RGS6: variants seen among roughly 807,000 people sequenced by gnomAD.
The protein encoded by RGS6 is regulator of G protein signaling 6.
In RGS6, 30 loss-of-function variants were observed where a neutral mutation model predicts 78.5. That is an observed-to-expected ratio of 0.38 (90% CI 0.29 to 0.52). RGS6 has a LOEUF of 0.52. Among genes scored for constraint, RGS6 ranks in the 20% least tolerant of loss-of-function variants. The pLI is 0.85. For synonymous variants in RGS6, 206 were observed against 206.0 expected (o/e 1.00, Z 0.00); for missense variants, 495 against 609.7 (o/e 0.81, Z 1.98).
At chr14:72,549,529 T>C (rs1387215297) in intron 17 of RGS6, among the ~76,000 whole-genome samples, 2 of 152,218 alleles carry the variant, frequency 1.3e-5, no homozygotes, top group Non-Finnish European at 2.9e-5. Flanking sequence ...TTTTACCCAA[T>C]GCCAGTTCCA....
chr14:72,313,483 T>C (rs550790192), intron 2 of RGS6, among the ~76,000 whole-genome samples: 1 of 152,202 alleles, frequency 6.6e-6, no homozygotes, highest in Non-Finnish European at 1.5e-5. Flanking sequence ...TTGATAGCCT[T>C]AAATCCCTGG....
intron 6 of RGS6, among the ~76,000 whole-genome samples, chr14:72,465,194 C>G (rs2095870012): frequency 1.3e-5 from 2 of 152,158 alleles, no homozygotes; most frequent in African/African-American, 4.8e-5. Context: ...GTGAGCAGAT[C>G]ATAAAGAACC....
At chr14:72,198,727 C>A (rs1168332698) in intron 2 of RGS6, among the ~76,000 whole-genome samples, 1 of 152,216 alleles carries the variant, frequency 6.6e-6, no homozygotes, top group African/African-American at 2.4e-5. Context: ...ATAGTTGTAA[C>A]CCAGGTTAGG....
chr14:71,992,854 A>T (rs2095024541), intron 2 of RGS6, among the ~76,000 whole-genome samples: 1 of 152,058 alleles, frequency 6.6e-6, no homozygotes. Context: ...TAATAGGTAA[A>T]ACAAGCTTCA....
At chr14:72,228,019 A>C (rs1250916288) in intron 2 of RGS6, among the ~76,000 whole-genome samples, 1 of 152,228 alleles carries the variant, frequency 6.6e-6, no homozygotes, top group East Asian at 1.9e-4. Flanking sequence ...TTGATGAATA[A>C]GTAGGATTCC....
At chr14:72,044,662 G>A (rs2092692018) in intron 2 of RGS6, among the ~76,000 whole-genome samples, 1 of 152,096 alleles carries the variant, frequency 6.6e-6, no homozygotes. Flanking sequence ...CTTGAGGTCA[G>A]GAGTTTGAAA....
intron 2 of RGS6, among the ~76,000 whole-genome samples, chr14:72,167,778 A>T (rs2096949362): frequency 6.6e-6 from 1 of 152,232 alleles, no homozygotes; most frequent in South Asian, 2.1e-4. Context: ...AAACATTATC[A>T]CCAGGAGAAG....
intron 2 of RGS6, among the ~76,000 whole-genome samples, chr14:71,976,549 A>C (rs943042790): frequency 6.6e-6 from 1 of 152,000 alleles, no homozygotes; most frequent in Non-Finnish European, 1.5e-5. Context: ...ACTGAGAATG[A>C]TGATTTCCAG....
chr14:72,110,186 A>G (rs1359696655), intron 2 of RGS6, among the ~76,000 whole-genome samples: 1 of 152,178 alleles, frequency 6.6e-6, no homozygotes, highest in East Asian at 1.9e-4. Flanking sequence ...CTTTGTATAC[A>G]TATTCTTATT....
intron 3 of RGS6, among the ~76,000 whole-genome samples, chr14:72,451,100 C>T (rs8023010): frequency 0.018 from 2,786 of 152,258 alleles, 95 homozygotes; most frequent in African/African-American, 0.064. Flanking sequence ...GAAATGGAGT[C>T]TACCAAGCAT....
intron 2 of RGS6, among the ~76,000 whole-genome samples, chr14:72,240,382 C>T (rs1443094226): frequency 6.6e-6 from 1 of 152,090 alleles, no homozygotes; most frequent in Non-Finnish European, 1.5e-5. Flanking sequence ...GATTATGCCT[C>T]TTGGCTATCA....
chr14:72,580,892 G>A, the RGS6 span, among the ~76,000 whole-genome samples: 3 of 152,196 alleles, frequency 2.0e-5, no homozygotes, highest in Non-Finnish European at 4.4e-5. Context: ...TGCCTTATGG[G>A]AGCAAGAACA....
chr14:72,579,990 C>G, the RGS6 span, among the ~76,000 whole-genome samples: 1 of 152,182 alleles, frequency 6.6e-6, no homozygotes, highest in Non-Finnish European at 1.5e-5. Flanking sequence ...GGAATAATAT[C>G]AGCTTATCAG....
intron 2 of RGS6, among the ~76,000 whole-genome samples, chr14:72,287,760 C>A (rs116152829): frequency 0.014 from 2,062 of 152,248 alleles, 35 homozygotes; most frequent in African/African-American, 0.046. Flanking sequence ...GCCCAGCCAA[C>A]TTTTTTATAT....
At chr14:72,438,626 G>A (rs563465896) in intron 3 of RGS6, among the ~76,000 whole-genome samples, 1 of 152,284 alleles carries the variant, frequency 6.6e-6, no homozygotes. Context: ...AGAGGACCAG[G>A]AGCCTTGCCT....
chr14:71,999,630 T>C (rs2083007654), intron 2 of RGS6, among the ~76,000 whole-genome samples: 1 of 104,422 alleles, frequency 9.6e-6, no homozygotes, highest in Non-Finnish European at 2.3e-5. Context: ...CCTTCATGAA[T>C]GGTTTAGCAC....
intron 3 of RGS6, among the ~76,000 whole-genome samples, chr14:72,391,887 T>C (rs896048466): frequency 5.3e-5 from 8 of 152,244 alleles, no homozygotes; most frequent in African/African-American, 1.9e-4. Flanking sequence ...CTGAGAATGT[T>C]AGTTTCCAGC....
intron 2 of RGS6, among the ~76,000 whole-genome samples, chr14:72,054,947 T>C (rs1340223246): frequency 6.6e-6 from 1 of 152,270 alleles, no homozygotes; most frequent in Non-Finnish European, 1.5e-5. Flanking sequence ...CTGTCATTGC[T>C]GTGTAGTATT....
At position 72,546,534 on chromosome 14, in the gene RGS6, G is replaced by A. The variant is rs199786786; in HGVS notation, c.1422+6440G>A. On this transcript the variant is annotated intron_variant, in intron 17 of 17. Transcript: ENST00000553525. ...TTCCCGCTGATGGTTCAACCTGTCCGCCAAAAGCAGCCAAAATGCTCTCCC... is the reference window on the plus strand; with the variant it reads ...TTCCCGCTGATGGTTCAACCTGTCCACCAAAAGCAGCCAAAATGCTCTCCC... Among the ~76,000 whole-genome samples the A allele has an allele frequency of 3.4e-4, 52 of 152,242 alleles. No homozygotes were observed. In the East Asian group the frequency reaches 9.1e-3, roughly 27 times the overall value.
Sources: gnomAD v4.1 joint callset for allele counts (sites outside exome capture counted in the v4.1 genomes callset) on GRCh38, gnomAD v4.1.1 for gene constraint, MANE v1.5 for transcripts, NCBI Gene and HGNC (gene_info 2026-07-23, HGNC 2026-07-21) for gene names.